The following CLASP1 variants were observed in gnomAD, a reference collection of about 807,000 sequenced individuals.
The protein encoded by CLASP1 is cytoplasmic linker associated protein 1.
A neutral mutation model predicts 192.3 loss-of-function variants in CLASP1; 38 were observed. That is an observed-to-expected ratio of 0.20 (90% CI 0.15 to 0.26). The LOEUF is 0.26. Ranked by LOEUF, CLASP1 falls within the 10% of genes least tolerant of loss-of-function variation. CLASP1 has a pLI of 1.00. For missense variants in CLASP1, 1,433 were observed against 1,932.5 expected, an observed-to-expected ratio of 0.74 and a Z score of 4.85; for synonymous variants, 691 against 712.8, an observed-to-expected ratio of 0.97 and a Z score of 0.49.
At chr2:121,355,981 C>T (rs1454513449) in intron 37 of CLASP1, among the ~76,000 whole-genome samples, 2 of 152,214 alleles carry the variant, frequency 1.3e-5, no homozygotes, top group Non-Finnish European at 2.9e-5. Context: ...GTAATTTTCA[C>T]ATCTAGCTTT....
chr2:121,339,994 G>A (rs1309328055), exon 40 of CLASP1: 1 of 152,196 alleles, frequency 6.6e-6, no homozygotes, highest in Non-Finnish European at 1.5e-5. Context: ...TCTTGGCAGA[G>A]CCCCCATGAC....
At position 121,372,392 on chromosome 2, in the gene CLASP1, ACTTTT is replaced by A. The variant is rs145190299; in HGVS notation, c.3643-4566_3643-4562del. 5.4e-4 allele frequency among the ~76,000 whole-genome samples: 82 copies of A among 152,178 alleles called. 2 individuals are homozygous for A. In the East Asian group the frequency reaches 0.012, roughly 22 times the overall value. ...TATCCTTTACCTGGTGATTTCACTT[ACTTTT>A]CTTTAGTTATCTTCAAGCAACTAAT... is the stretch of plus-strand genomic sequence containing the variant. On this transcript the variant is annotated intron_variant, in intron 34 of 39. Transcript: ENST00000263710.
chr2:121,402,699 C>G (rs761670148), intron 26 of CLASP1: 1 of 517,816 alleles, frequency 1.9e-6, no homozygotes, highest in Non-Finnish European at 3.9e-6. Flanking sequence ...TATCAGTGTT[C>G]TAAACCATCT....
chr2:121,421,690 G>GCACCAC (rs769510872), intron 22 of CLASP1, among the ~76,000 whole-genome samples: 2 of 152,074 alleles, frequency 1.3e-5, no homozygotes, highest in Non-Finnish European at 2.9e-5. Flanking sequence ...TTACAGGCAC[G>GCACCAC]CACCACCACA....
exon 28 of CLASP1, chr2:121,401,623 T>C (rs201272076): frequency 5.5e-5 from 89 of 1,612,096 alleles, no homozygotes. Context: ...TAAATCATCC[T>C]TATGAATTAT....
chr2:121,530,896 G>GGGTTGC, intron 2 of CLASP1: 3 of 694,744 alleles, frequency 4.3e-6, no homozygotes, highest in Non-Finnish European at 7.9e-6. Context: ...CCTTTTCTTG[G>GGGTTGC]GGTTGCGCTA....
chr2:121,379,595 A>G (rs1241457061), intron 33 of CLASP1, among the ~76,000 whole-genome samples: 1 of 152,234 alleles, frequency 6.6e-6, no homozygotes, highest in East Asian at 1.9e-4. Flanking sequence ...AATGCCTTAA[A>G]ATACTTTTAA....
intron 2 of CLASP1, among the ~76,000 whole-genome samples, chr2:121,574,461 C>G (rs2060287971): frequency 6.6e-6 from 1 of 151,730 alleles, no homozygotes; most frequent in South Asian, 2.1e-4. Flanking sequence ...GTGGTGAAAC[C>G]CTGTCTCCAC....
At chr2:121,340,543 C>A (rs377037104) in exon 40 of CLASP1, 50 of 262,712 alleles carry the variant, frequency 1.9e-4, no homozygotes, top group Middle Eastern at 2.5e-3. Flanking sequence ...GTGGCTAGAG[C>A]GCTCTGATTT....
In CLASP1 at chr2:121,525,924, A is replaced by T. The variant is rs780022094; in HGVS notation, c.471-4T>A. On this transcript the variant is annotated splice_region_variant and splice_polypyrimidine_tract_variant and intron_variant, in intron 5 of 39. Coordinates refer to ENST00000263710, the Ensembl canonical transcript of CLASP1. ...TGTTAAAGTCTGTGCTCCAGAGCTG[A>T]AAACAAAAGGAGTGCTTTCTTGTTA... 5 of 1,610,748 alleles carry T rather than the reference A, an allele frequency of 3.1e-6. No homozygotes were observed. In the Admixed American group the frequency reaches 6.7e-5, roughly 22 times the overall value.
intron 2 of CLASP1, among the ~76,000 whole-genome samples, chr2:121,587,767 G>A (rs1399083649): frequency 1.3e-5 from 2 of 151,464 alleles, no homozygotes; most frequent in Admixed American, 1.3e-4. Context: ...GGAGGCGGAG[G>A]TTACAGTGAG....
chr2:121,619,530 G>A (rs1468787462), intron 1 of CLASP1, among the ~76,000 whole-genome samples: 1 of 151,944 alleles, frequency 6.6e-6, no homozygotes, highest in East Asian at 1.9e-4. Flanking sequence ...ACAAATAACT[G>A]CAAAAACAAA....
At chr2:121,566,624 T>C (rs973908075) in intron 2 of CLASP1, among the ~76,000 whole-genome samples, 1 of 152,250 alleles carries the variant, frequency 6.6e-6, no homozygotes, top group Admixed American at 6.5e-5. Context: ...GAGGATTTAC[T>C]GTGTGCAAAG....
intron 34 of CLASP1, among the ~76,000 whole-genome samples, chr2:121,375,688 C>G (rs2069938460): frequency 6.6e-6 from 1 of 152,112 alleles, no homozygotes; most frequent in African/African-American, 2.4e-5. Flanking sequence ...AGTGTGAGAA[C>G]TGACTAATAC....
chr2:121,435,558 G>A (rs1450766800), intron 19 of CLASP1, among the ~76,000 whole-genome samples: 1 of 152,196 alleles, frequency 6.6e-6, no homozygotes, highest in Non-Finnish European at 1.5e-5. Flanking sequence ...ACAGGCGTGA[G>A]CCACCATGCC....
chr2:121,344,794 G>A (rs2063238606), intron 39 of CLASP1, among the ~76,000 whole-genome samples: 1 of 152,144 alleles, frequency 6.6e-6, no homozygotes, highest in Non-Finnish European at 1.5e-5. Context: ...GAGGAAGGGA[G>A]GGAGTTTGTA....
chr2:121,485,577 C>A (rs1206760860), intron 8 of CLASP1, among the ~76,000 whole-genome samples: 1 of 151,984 alleles, frequency 6.6e-6, no homozygotes, highest in Non-Finnish European at 1.5e-5. Context: ...TTTTAAAGAC[C>A]CATGAGCTGG....
chr2:121,530,250 T>C, exon 3 of CLASP1: 2 of 1,551,354 alleles, frequency 1.3e-6, no homozygotes, highest in South Asian at 2.4e-5. Context: ...AGCTCACCTG[T>C]GCCGATCTGC....
chr2:121,497,009 G>C (rs2093561737), intron 8 of CLASP1, among the ~76,000 whole-genome samples: 2 of 152,076 alleles, frequency 1.3e-5, no homozygotes, highest in Non-Finnish European at 2.9e-5. Flanking sequence ...ACTCATATGT[G>C]GGAGCTAAAA....
Sources: allele counts gnomAD v4.1 joint callset (sites outside exome capture counted in the v4.1 genomes callset), GRCh38; gene constraint gnomAD v4.1.1; transcripts MANE v1.5; gene names NCBI Gene and HGNC (gene_info 2026-07-23, HGNC 2026-07-21).